Variants in C19orf47 observed in about 807,000 individuals in gnomAD.
C19orf47 encodes the protein chromosome 19 open reading frame 47.
C19orf47 carries 18 observed loss-of-function variants against 32.3 expected under a neutral mutation model. The observed-to-expected ratio is 0.56, with a 90% confidence interval of 0.39 to 0.83. The LOEUF (loss-of-function observed/expected upper bound fraction) is 0.83, where lower values mean the gene tolerates loss of function less well. C19orf47 is among the 40% of genes least tolerant of loss of function. The pLI is 0.00. For synonymous variants in C19orf47, 202 were observed against 211.1 expected, an observed-to-expected ratio of 0.96 and a Z score of 0.37; for missense variants, 484 against 531.6, an observed-to-expected ratio of 0.91 and a Z score of 0.88.
the C19orf47 span, among the ~76,000 whole-genome samples, chr19:40,310,992 C>T: frequency 6.6e-6 from 1 of 152,130 alleles, no homozygotes; most frequent in Non-Finnish European, 1.5e-5. Context: ...AATCCCAGCA[C>T]TTTGGAAGGC....
the C19orf47 span, among the ~76,000 whole-genome samples, chr19:40,303,791 G>A: frequency 1.3e-3 from 158 of 118,770 alleles, 1 homozygote; most frequent in Non-Finnish European, 1.9e-3. Flanking sequence ...GCGACAGAAC[G>A]AGACTTTGTC....
At chr19:40,333,769 G>A (rs371965965) in intron 5 of C19orf47, 82 bp downstream of exon 5, 53 of 1,133,094 alleles carry the variant, frequency 4.7e-5, no homozygotes, top group East Asian at 4.0e-4. Flanking sequence ...AATTACAGGC[G>A]GGGATGGGAT....
the C19orf47 span, chr19:40,299,443 A>C: frequency 1.3e-5 from 2 of 152,214 alleles, no homozygotes; most frequent in African/African-American, 4.8e-5. Flanking sequence ...AGATCCTATT[A>C]ATCAAATTTT....
chr19:40,304,412 T>G, the C19orf47 span, among the ~76,000 whole-genome samples: 1 of 152,142 alleles, frequency 6.6e-6, no homozygotes, highest in African/African-American at 2.4e-5. Flanking sequence ...CCAGGAATCT[T>G]CTCAATCAGG....
At chr19:40,319,285 CA>C (rs1277152381), downstream of C19orf47, among the ~76,000 whole-genome samples, 3 of 149,964 alleles carry the variant, frequency 2.0e-5, no homozygotes, top group East Asian at 5.9e-4. Context: ...AAAAAATAAA[CA>C]ATAAAAATAA....
chr19:40,328,792 A>C (rs1405111001), intron 5 of C19orf47, among the ~76,000 whole-genome samples: 1 of 152,018 alleles, frequency 6.6e-6, no homozygotes, highest in African/African-American at 2.4e-5. Flanking sequence ...TCTAGACCAC[A>C]CTAGTTCTGA....
At chr19:40,325,107 T>C (rs1600172233) in intron 7 of C19orf47, among the ~76,000 whole-genome samples, 2 of 148,316 alleles carry the variant, frequency 1.3e-5, no homozygotes, top group South Asian at 2.2e-4. Flanking sequence ...CCGTCTCTAC[T>C]AAAAATATAA....
rs377752034 is a variant in C19orf47 at position 40,336,195 on chromosome 19, T to G, written c.137A>C (p.Asn46Thr). The G allele has an allele frequency of 6.2e-7, 1 of 1,614,214 alleles. No individual in the cohort carries two copies. Among genetic ancestry groups the G allele is most frequent in the Non-Finnish European group, 8.5e-7 (1 of 1,180,040 alleles). The change falls in exon 4 of 9, where the codon AAT (asparagine) becomes ACT (threonine). Residue 46 changes from asparagine (N) to threonine (T), a missense_variant. Coordinates refer to ENST00000683109, the MANE Select transcript of C19orf47 (RefSeq NM_001256441.2). ...GCCCAGCTCATTCATTATCTCCTTA[T>G]TGAGATCCAGCAGCATGCTCTTCTG... ...RIQKSMLLDL[N>T]KEIMNELGVT... is the part of the protein sequence containing the mutation.
chr19:40,341,521 C>A (rs996686143), intron 2 of C19orf47, among the ~76,000 whole-genome samples: 17 of 152,258 alleles, frequency 1.1e-4, no homozygotes, highest in African/African-American at 4.1e-4. Context: ...GCTATAATCT[C>A]CTTAATCCCA....
chr19:40,319,332 T>C (rs2077685497), downstream of C19orf47, among the ~76,000 whole-genome samples: 1 of 152,096 alleles, frequency 6.6e-6, no homozygotes, highest in South Asian at 2.1e-4. Context: ...TCACGAGGTA[T>C]ATTTTCACAC....
chr19:40,306,496 G>A, the C19orf47 span, among the ~76,000 whole-genome samples: 3 of 151,312 alleles, frequency 2.0e-5, no homozygotes, highest in Non-Finnish European at 2.9e-5. Flanking sequence ...TCCGCCTCCC[G>A]GGTTCAGGCG....
chr19:40,316,364 C>T (rs2077662055), downstream of C19orf47, among the ~76,000 whole-genome samples: 1 of 152,220 alleles, frequency 6.6e-6, no homozygotes. Flanking sequence ...CACAGAATCA[C>T]TCTGCTGGGC....
chr19:40,303,692 T>C, the C19orf47 span, among the ~76,000 whole-genome samples: 1 of 150,124 alleles, frequency 6.7e-6, no homozygotes, highest in Non-Finnish European at 1.5e-5. Context: ...TAGTCCCAGC[T>C]ACTCAGGAGG....
intron 5 of C19orf47, among the ~76,000 whole-genome samples, chr19:40,331,795 G>A (rs1408510406): frequency 6.6e-6 from 1 of 152,160 alleles, no homozygotes; most frequent in African/African-American, 2.4e-5. Context: ...CCAACACTTT[G>A]GGGGGCCAAG....
chr19:40,338,673 G>A (rs1016101568), intron 2 of C19orf47, among the ~76,000 whole-genome samples: 1 of 151,726 alleles, frequency 6.6e-6, no homozygotes, highest in Non-Finnish European at 1.5e-5. Flanking sequence ...GTGAGCCACC[G>A]CCCCCGGCAT....
chr19:40,340,836 G>A (rs1020465623), intron 2 of C19orf47, among the ~76,000 whole-genome samples: 15 of 151,742 alleles, frequency 9.9e-5, no homozygotes, highest in South Asian at 2.1e-4. Context: ...AAAATTAGCC[G>A]GGCGTGATGG....
In C19orf47 at chr19:40,321,683, A is replaced by G. The variant is rs889734063; in HGVS notation, c.*199T>C. 7.1e-6 allele frequency: 10 copies of G among 1,405,376 alleles called. No homozygotes were observed. The African/African-American group carries it at 1.3e-4, about 18-fold the overall frequency. The allele number at this position is 1,405,376 out of a possible 1,614,324, so 87.1% of individuals were successfully genotyped here. A position where few individuals can be genotyped will look rare whatever the true frequency, so the allele number is the denominator to read the frequency against. ...CATGAGAGAAGGGGAGTCCTGGAGCAGGCCAGGCCAGCTGCGACGACCATC... is the reference window on the plus strand; with the variant it reads ...CATGAGAGAAGGGGAGTCCTGGAGCGGGCCAGGCCAGCTGCGACGACCATC... On this transcript the variant is annotated 3_prime_UTR_variant, in exon 9 of 9. Coordinates refer to ENST00000683109, the MANE Select transcript of C19orf47 (RefSeq NM_001256441.2).
At chr19:40,294,991 C>A in the C19orf47 span, among the ~76,000 whole-genome samples, 1 of 152,212 alleles carries the variant, frequency 6.6e-6, no homozygotes, top group Non-Finnish European at 1.5e-5. Context: ...CAAACACTAT[C>A]CTTAATGCCT....
Position 40,324,042 on chromosome 19 carries a change from G to T in C19orf47, c.627C>A (p.Gly209=). 6.2e-7 allele frequency: 1 copy of T among 1,614,220 alleles called. No individual in the cohort carries two copies. The highest frequency in any genetic ancestry group is 8.5e-7 in the Non-Finnish European group (1 of 1,180,040). Reference sequence around the variant, plus strand: ...TCGTGGTGTCTGCCTTGGTCTCGGCGCCGAGGCGGTCAAACACAGACGTCC... The same window carrying T: ...TCGTGGTGTCTGCCTTGGTCTCGGCTCCGAGGCGGTCAAACACAGACGTCC... ...LHRTSVFDRL[G]AETKADTTTG... Residue 209 remains glycine, a synonymous_variant, in exon 8 of 9, where the codon GGC becomes GGA. Coordinates refer to ENST00000683109, the MANE Select transcript of C19orf47 (RefSeq NM_001256441.2).
Sources: allele counts gnomAD v4.1 joint callset (sites outside exome capture counted in the v4.1 genomes callset), GRCh38; gene constraint gnomAD v4.1.1; transcripts MANE v1.5; gene names NCBI Gene and HGNC (gene_info 2026-07-23, HGNC 2026-07-21).